The following SLAIN1 variants were observed in gnomAD, a reference collection of about 807,000 sequenced individuals.
SLAIN1 encodes the protein SLAIN family member 1.
In SLAIN1, 17 loss-of-function variants were observed where a neutral mutation model predicts 55.4. That is an observed-to-expected ratio of 0.31 (90% CI 0.21 to 0.46). SLAIN1 has a LOEUF of 0.46. SLAIN1 is among the 20% of genes least tolerant of loss of function. The pLI is 1.00. For synonymous variants in SLAIN1, 348 were observed against 337.4 expected (o/e 1.03, Z -0.35); for missense variants, 682 against 785.1 (o/e 0.87, Z 1.57).
At chr13:77,740,529 C>T (rs1231117737) in intron 2 of SLAIN1, among the ~76,000 whole-genome samples, 1 of 14,316 alleles carries the variant, frequency 7.0e-5, no homozygotes, top group Non-Finnish European at 1.6e-4. Flanking sequence ...TTGCGAACCG[C>T]CCCCCCCCCC....
chr13:77,709,736 C>T (rs565238349), intron 1 of SLAIN1, among the ~76,000 whole-genome samples: 1 of 152,278 alleles, frequency 6.6e-6, no homozygotes, highest in African/African-American at 2.4e-5. Flanking sequence ...TCCTGCCTTA[C>T]AAGAGCTCCT....
chr13:77,737,024 C>T (rs1407572158), intron 2 of SLAIN1, among the ~76,000 whole-genome samples: 2 of 152,080 alleles, frequency 1.3e-5, no homozygotes, highest in Admixed American at 6.6e-5. Context: ...AGCCCTCTTC[C>T]CTGAACTCCA....
intron 1 of SLAIN1, among the ~76,000 whole-genome samples, chr13:77,715,641 G>A (rs1197354622): frequency 2.0e-5 from 3 of 152,154 alleles, no homozygotes; most frequent in African/African-American, 7.2e-5. Context: ...CAATAGGTAT[G>A]TGGTAGAATC....
chr13:77,735,899 A>G (rs749605679), intron 2 of SLAIN1, among the ~76,000 whole-genome samples: 6 of 151,606 alleles, frequency 4.0e-5, no homozygotes, highest in Non-Finnish European at 5.9e-5. Context: ...GATTATCTTC[A>G]GTCACTGGGG....
At chr13:77,717,406 A>G (rs2091218522) in intron 1 of SLAIN1, among the ~76,000 whole-genome samples, 1 of 152,110 alleles carries the variant, frequency 6.6e-6, no homozygotes, top group African/African-American at 2.4e-5. Context: ...TTCTTTAAAT[A>G]CTTGGTAGAG....
chr13:77,730,376 C>G (rs1004627333), intron 2 of SLAIN1, among the ~76,000 whole-genome samples: 3 of 152,076 alleles, frequency 2.0e-5, no homozygotes, highest in Non-Finnish European at 4.4e-5. Flanking sequence ...TTCTTTGGAA[C>G]ATGGGTAAGG....
intron 4 of SLAIN1, among the ~76,000 whole-genome samples, chr13:77,749,901 A>G (rs1224807032): frequency 1.3e-5 from 2 of 152,196 alleles, no homozygotes; most frequent in Non-Finnish European, 2.9e-5. Flanking sequence ...TTGCTTAAAT[A>G]TGAGTAAAGA....
intron 2 of SLAIN1, among the ~76,000 whole-genome samples, chr13:77,723,932 TAAAA>T (rs10599579): frequency 4.4e-4 from 64 of 145,996 alleles, no homozygotes; most frequent in African/African-American, 1.5e-3. Flanking sequence ...TTTTGGAGAT[TAAAA>T]AAAAAAAAAA....
chr13:77,713,585 A>G (rs2091174738), intron 1 of SLAIN1, among the ~76,000 whole-genome samples: 1 of 152,246 alleles, frequency 6.6e-6, no homozygotes, highest in Non-Finnish European at 1.5e-5. Flanking sequence ...AGTGTAAATT[A>G]GTTCAACCAT....
chr13:77,706,853 A>T (rs929104206), intron 1 of SLAIN1, among the ~76,000 whole-genome samples: 2 of 152,162 alleles, frequency 1.3e-5, no homozygotes, highest in Non-Finnish European at 2.9e-5. Context: ...GTTTGAAGGC[A>T]CTGTTCCATT....
In SLAIN1 at chr13:77,698,746, T is replaced by C. The variant is rs1304276628; in HGVS notation, c.626+207T>C. The C allele has an allele frequency of 8.9e-7, 1 of 1,125,440 alleles. No homozygotes were observed. Among genetic ancestry groups the C allele is most frequent in the Non-Finnish European group, 1.2e-6 (1 of 831,400 alleles). The allele number at this position is 1,125,440 out of a possible 1,614,324, so 69.7% of individuals were successfully genotyped here. On this transcript the variant is annotated intron_variant, in intron 1 of 6. Coordinates refer to ENST00000418532, the MANE Select transcript of SLAIN1 (RefSeq NM_001242868.2). The surrounding 1 kb of genome is among the most constrained non-coding windows in gnomAD (Gnocchi z 4.1). ...CTCATGAAGGCAGAAACCTGTTTTC[T>C]AATCGCTCCGACTGCGGATGAACCG...
At chr13:77,705,728 A>G (rs1434846161) in intron 1 of SLAIN1, among the ~76,000 whole-genome samples, 2 of 151,566 alleles carry the variant, frequency 1.3e-5, no homozygotes, top group Admixed American at 6.6e-5. Context: ...TGATCTCTAT[A>G]ACTAGTTTTT....
chr13:77,750,137 G>A (rs2154410655), intron 4 of SLAIN1, among the ~76,000 whole-genome samples: 1 of 152,258 alleles, frequency 6.6e-6, no homozygotes, highest in African/African-American at 2.4e-5. Flanking sequence ...AAAGTGTCAA[G>A]ATGTCTGAAG....
At chr13:77,751,476 C>A (rs775891342) in intron 4 of SLAIN1, among the ~76,000 whole-genome samples, 1 of 152,146 alleles carries the variant, frequency 6.6e-6, no homozygotes, top group South Asian at 2.1e-4. Context: ...ACTGTATCTG[C>A]CTAATACACT....
chr13:77,711,099 A>G (rs1028610190), intron 1 of SLAIN1, among the ~76,000 whole-genome samples: 1 of 152,240 alleles, frequency 6.6e-6, no homozygotes, highest in African/African-American at 2.4e-5. Context: ...AGGGAAATTT[A>G]TAGCACTAAA....
At chr13:77,719,360 G>T (rs1300573603) in intron 1 of SLAIN1, among the ~76,000 whole-genome samples, 172 bp from the exon 2 acceptor site, 1 of 151,848 alleles carries the variant, frequency 6.6e-6, no homozygotes, top group Non-Finnish European at 1.5e-5. Context: ...TACAGGAAGT[G>T]TCATATTCTA....
intron 2 of SLAIN1, among the ~76,000 whole-genome samples, chr13:77,732,277 T>C (rs1231063292): frequency 6.6e-6 from 1 of 152,154 alleles, no homozygotes; most frequent in Non-Finnish European, 1.5e-5. Flanking sequence ...TACCCAGTCA[T>C]AGGCGTGAAG....
chr13:77,702,420 C>T (rs1367156160), intron 1 of SLAIN1, among the ~76,000 whole-genome samples: 1 of 152,086 alleles, frequency 6.6e-6, no homozygotes, highest in Non-Finnish European at 1.5e-5. Context: ...TGATTGGATG[C>T]TTTTTCTATC....
At chr13:77,715,529 G>A (rs1173814714) in intron 1 of SLAIN1, among the ~76,000 whole-genome samples, 1 of 149,962 alleles carries the variant, frequency 6.7e-6, no homozygotes, top group African/African-American at 2.5e-5. Context: ...TTCCAAAGTG[G>A]TTTCACCATT....
Sources: gnomAD v4.1 joint callset for allele counts (sites outside exome capture counted in the v4.1 genomes callset) on GRCh38, gnomAD v4.1.1 for gene constraint, Gnocchi (gnomAD v3.1) non-coding constraint, MANE v1.5 for transcripts, NCBI Gene and HGNC (gene_info 2026-07-23, HGNC 2026-07-21) for gene names.